GRIN2B: variants seen among roughly 807,000 people sequenced by gnomAD.
The protein encoded by GRIN2B is glutamate ionotropic receptor NMDA type subunit 2B.
A neutral mutation model predicts 114.5 loss-of-function variants in GRIN2B; 5 were observed. The observed-to-expected ratio is 0.04, with a 90% confidence interval of 0.02 to 0.09. The LOEUF is 0.09. GRIN2B is among the 10% of genes least tolerant of loss of function. GRIN2B has a pLI of 1.00. For synonymous variants in GRIN2B, 787 were observed against 745.1 expected, an observed-to-expected ratio of 1.06 and a Z score of -0.92; for missense variants, 1,108 against 1,943.5, an observed-to-expected ratio of 0.57 and a Z score of 8.08.
chr12:13,837,872 T>G (rs1865304804), intron 3 of GRIN2B, among the ~76,000 whole-genome samples: 1 of 152,114 alleles, frequency 6.6e-6, no homozygotes, highest in South Asian at 2.1e-4. Context: ...CTGATGGAAA[T>G]CTGTGAACAG....
rs1011332859 is a variant in GRIN2B, at chr12:13,608,901, C to G, written c.1781-69G>C. On this transcript the variant is annotated intron_variant, in intron 9 of 13. Transcript: ENST00000609686. Reference sequence around the variant, plus strand: ...CTGGTTCTGTTGAAACCTACAAATACACAGGGTGAGTCCCTGCTCAGAGCA... The same window carrying G: ...CTGGTTCTGTTGAAACCTACAAATAGACAGGGTGAGTCCCTGCTCAGAGCA... 10 of 1,097,662 alleles carry G rather than the reference C, an allele frequency of 9.1e-6. No individual in the cohort carries two copies. In the African/African-American group the frequency reaches 1.5e-4, roughly 17 times the overall value. 68.0% of individuals were successfully genotyped at this position (1,097,662 alleles called of 1,614,324 possible). A position where few individuals can be genotyped will look rare whatever the true frequency, so the allele number is the denominator to read the frequency against.
intron 2 of GRIN2B, among the ~76,000 whole-genome samples, chr12:13,907,192 A>G (rs1291111022): frequency 6.6e-6 from 1 of 152,222 alleles, no homozygotes; most frequent in African/African-American, 2.4e-5. Context: ...TAAGATGCTA[A>G]GAAAAAGCCT....
chr12:13,948,240 G>A (rs1195508430), intron 2 of GRIN2B, among the ~76,000 whole-genome samples: 2 of 151,592 alleles, frequency 1.3e-5, no homozygotes, highest in Non-Finnish European at 2.9e-5. Context: ...TCTCTGCCAG[G>A]GGGGATCCTT....
At chr12:13,972,597 G>C (rs114824354) in intron 2 of GRIN2B, among the ~76,000 whole-genome samples, 259 of 152,304 alleles carry the variant, frequency 1.7e-3, no homozygotes, top group African/African-American at 5.8e-3. Context: ...TGCATTCCAA[G>C]GGGGCTCTTG....
At chr12:13,727,215 T>A (rs1863005218) in intron 4 of GRIN2B, among the ~76,000 whole-genome samples, 1 of 152,104 alleles carries the variant, frequency 6.6e-6, no homozygotes, top group African/African-American at 2.4e-5. Flanking sequence ...AGAAACTAAG[T>A]GACATATGCC....
chr12:13,730,948 C>T (rs967223303), intron 4 of GRIN2B, among the ~76,000 whole-genome samples: 7 of 152,242 alleles, frequency 4.6e-5, no homozygotes, highest in African/African-American at 1.7e-4. Context: ...TGCACCTATA[C>T]AGCTGACCAC....
At chr12:13,688,790 A>C (rs952034996) in intron 4 of GRIN2B, among the ~76,000 whole-genome samples, 1 of 152,198 alleles carries the variant, frequency 6.6e-6, no homozygotes, top group African/African-American at 2.4e-5. Context: ...TACAATATTA[A>C]AGTATTTCTT....
chr12:13,944,435 C>T (rs538586804), intron 2 of GRIN2B, among the ~76,000 whole-genome samples: 55 of 152,310 alleles, frequency 3.6e-4, no homozygotes, highest in Non-Finnish European at 6.3e-4. Flanking sequence ...CTACTTGAGA[C>T]GCTTCTCCCA....
At chr12:13,870,671 A>G (rs916394364) in intron 2 of GRIN2B, among the ~76,000 whole-genome samples, 1 of 151,946 alleles carries the variant, frequency 6.6e-6, no homozygotes, top group Non-Finnish European at 1.5e-5. Context: ...CCCTTAATGC[A>G]GTCAGGACAT....
intron 3 of GRIN2B, among the ~76,000 whole-genome samples, chr12:13,809,134 T>C (rs1224945730): frequency 1.3e-5 from 2 of 152,168 alleles, no homozygotes; most frequent in African/African-American, 4.8e-5. Context: ...TAGATGCCAG[T>C]ATCAACCCCA....
At chr12:13,669,283 C>T (rs1159157487) in intron 5 of GRIN2B, among the ~76,000 whole-genome samples, 1 of 151,990 alleles carries the variant, frequency 6.6e-6, no homozygotes, top group Non-Finnish European at 1.5e-5. Flanking sequence ...CTGATCTCCA[C>T]ACTTGGTACA....
chr12:13,687,120 T>C (rs988905450), intron 4 of GRIN2B, among the ~76,000 whole-genome samples: 4 of 152,126 alleles, frequency 2.6e-5, no homozygotes, highest in African/African-American at 9.7e-5. Context: ...TTTCCAGCCA[T>C]CAGCATCATC....
intron 3 of GRIN2B, among the ~76,000 whole-genome samples, chr12:13,852,307 T>C (rs1865581070): frequency 6.6e-6 from 1 of 152,112 alleles, no homozygotes; most frequent in South Asian, 2.1e-4. Flanking sequence ...TGCAACTAGG[T>C]AGACAAATCC....
chr12:13,903,648 C>G (rs1214122635), intron 2 of GRIN2B, among the ~76,000 whole-genome samples: 1 of 151,972 alleles, frequency 6.6e-6, no homozygotes, highest in Non-Finnish European at 1.5e-5. Context: ...TGGTCAGTTT[C>G]CTAAATGTTC....
At chr12:13,874,428 C>T (rs1865963904) in intron 2 of GRIN2B, among the ~76,000 whole-genome samples, 1 of 152,172 alleles carries the variant, frequency 6.6e-6, no homozygotes, top group Non-Finnish European at 1.5e-5. Flanking sequence ...GTAATACAAA[C>T]GTAGATGATT....
chr12:13,819,376 C>T (rs552975385), intron 3 of GRIN2B, among the ~76,000 whole-genome samples: 1 of 141,270 alleles, frequency 7.1e-6, no homozygotes, highest in South Asian at 2.2e-4. Flanking sequence ...AGGGACAATA[C>T]CACCTCCAGC....
At chr12:13,896,521 C>A (rs929298436) in intron 2 of GRIN2B, among the ~76,000 whole-genome samples, 7 of 152,136 alleles carry the variant, frequency 4.6e-5, no homozygotes, top group African/African-American at 1.7e-4. Context: ...CATAGTGGCG[C>A]CTGTAACGTT....
chr12:13,846,846 G>A (rs1026266127), intron 3 of GRIN2B, among the ~76,000 whole-genome samples: 3 of 152,102 alleles, frequency 2.0e-5, no homozygotes, highest in African/African-American at 7.2e-5. Flanking sequence ...AAAATTGGGA[G>A]AAAGGAGGGG....
chr12:13,709,046 T>A (rs771299235), intron 4 of GRIN2B, among the ~76,000 whole-genome samples: 4 of 152,036 alleles, frequency 2.6e-5, no homozygotes, highest in Non-Finnish European at 5.9e-5. Context: ...CTGGTTCTGG[T>A]TCCAGATAAG....
Sources: gnomAD v4.1 joint callset for allele counts (sites outside exome capture counted in the v4.1 genomes callset) on GRCh38, gnomAD v4.1.1 for gene constraint, MANE v1.5 for transcripts, NCBI Gene and HGNC (gene_info 2026-07-23, HGNC 2026-07-21) for gene names.